FAM227B: variants seen among roughly 807,000 people sequenced by gnomAD.
FAM227B encodes family with sequence similarity 227 member B, also known as protein FAM227B.
In FAM227B, 88 loss-of-function variants were observed where a neutral mutation model predicts 73.8. The observed-to-expected ratio is 1.19, with a 90% CI of 1.00 to 1.42. The LOEUF is 1.42. Ranked by LOEUF, FAM227B falls within the 40% of genes most tolerant of loss-of-function variation. The pLI is 0.00. For missense variants in FAM227B, 632 were observed against 590.9 expected (o/e 1.07, Z -0.72); for synonymous variants, 210 against 190.5 (o/e 1.10, Z -0.84).
At chr15:49,358,284 A>G (rs988072118) in intron 13 of FAM227B, among the ~76,000 whole-genome samples, 1 of 136,408 alleles carries the variant, frequency 7.3e-6, no homozygotes, top group African/African-American at 2.8e-5. Context: ...TTAGGAAAAG[A>G]GGAAGTCAAA....
chr15:49,505,467 T>C (rs959357426), intron 11 of FAM227B, among the ~76,000 whole-genome samples: 1 of 152,066 alleles, frequency 6.6e-6, no homozygotes, highest in Non-Finnish European at 1.5e-5. Context: ...CACTATATAA[T>C]GTGAGGCTAT....
At chr15:49,547,823 A>C (rs1727636713) in intron 9 of FAM227B, among the ~76,000 whole-genome samples, 1 of 152,238 alleles carries the variant, frequency 6.6e-6, no homozygotes, top group South Asian at 2.1e-4. Flanking sequence ...AGATTTGTAA[A>C]ACAATTATTA....
intron 11 of FAM227B, among the ~76,000 whole-genome samples, chr15:49,478,736 T>C (rs576764825): frequency 1.5e-3 from 221 of 152,216 alleles, no homozygotes; most frequent in African/African-American, 5.2e-3. Flanking sequence ...CTTCAAAACT[T>C]TAAATATAAA....
At chr15:49,549,643 G>A (rs2072509525) in intron 9 of FAM227B, among the ~76,000 whole-genome samples, 1 of 151,616 alleles carries the variant, frequency 6.6e-6, no homozygotes, top group African/African-American at 2.4e-5. Flanking sequence ...CACAGGGTTG[G>A]GGGTAAGGTC....
chr15:49,459,650 A>G (rs544219323), intron 11 of FAM227B, among the ~76,000 whole-genome samples: 57 of 152,228 alleles, frequency 3.7e-4, no homozygotes, highest in African/African-American at 1.3e-3. Context: ...TAAAACTAGT[A>G]TTTCTATAGT....
rs2039547708 is a variant in FAM227B, at chr15:49,335,486, G to C, written c.1282C>G (p.Pro428Ala). The C allele has an allele frequency of 1.2e-6, 2 of 1,613,078 alleles. No homozygotes were observed. The highest frequency in any genetic ancestry group is 1.7e-6 in the Non-Finnish European group (2 of 1,179,156). Residue 428 changes from proline to alanine, a missense_variant, in exon 14 of 16, where the codon CCA (proline) becomes GCA (alanine). Pro to Ala is a conservative substitution (Grantham distance 27). Coordinates refer to ENST00000299338, the MANE Select transcript of FAM227B (RefSeq NM_152647.3). ...TKIFQEPLPA[P>A]TYRDVIKEAK... The stretch of plus-strand genomic sequence containing the variant: ...TCCTTTATAACATCACGGTATGTTG[G>C]AGCAGGTAGTGTGCTAGGCTTATTA...
At chr15:49,438,525 T>C (rs1567275334) in intron 11 of FAM227B, among the ~76,000 whole-genome samples, 1 of 151,694 alleles carries the variant, frequency 6.6e-6, no homozygotes, top group Non-Finnish European at 1.5e-5. Flanking sequence ...TCTTAGCTTA[T>C]CACACCAATA....
chr15:49,380,531 G>T (rs1293056575), intron 11 of FAM227B, among the ~76,000 whole-genome samples: 1 of 151,864 alleles, frequency 6.6e-6, no homozygotes, highest in East Asian at 1.9e-4. Context: ...ATAAAAGAAG[G>T]TTATGTCTCT....
At chr15:49,485,377 A>G (rs926181021) in intron 11 of FAM227B, 5 of 152,420 alleles carry the variant, frequency 3.3e-5, no homozygotes, top group African/African-American at 9.7e-5. Context: ...TTCTTCCCAC[A>G]AATAATCATG....
At chr15:49,483,725 G>T (rs1339411212) in intron 11 of FAM227B, among the ~76,000 whole-genome samples, 2 of 151,984 alleles carry the variant, frequency 1.3e-5, no homozygotes, top group Non-Finnish European at 2.9e-5. Flanking sequence ...TCACTACAAT[G>T]CAAAATATGT....
intron 10 of FAM227B, among the ~76,000 whole-genome samples, chr15:49,525,706 A>ATATATT: frequency 7.7e-6 from 1 of 130,392 alleles, no homozygotes; most frequent in South Asian, 2.7e-4. Context: ...ATATATATAT[A>ATATATT]TATATATATA....
At chr15:49,386,754 G>GCC (rs2046909841) in intron 11 of FAM227B, among the ~76,000 whole-genome samples, 1 of 151,662 alleles carries the variant, frequency 6.6e-6, no homozygotes, top group Admixed American at 6.6e-5. Flanking sequence ...TAGACCATTA[G>GCC]CTAGATTAAC....
At chr15:49,484,880 TATA>T (rs940115977) in intron 11 of FAM227B, 7 of 156,794 alleles carry the variant, frequency 4.5e-5, no homozygotes, top group Admixed American at 2.6e-4. Flanking sequence ...AAATGGCTGC[TATA>T]ATAATAATAA....
intron 4 of FAM227B, among the ~76,000 whole-genome samples, chr15:49,589,485 G>A (rs749947810): frequency 6.9e-6 from 1 of 145,552 alleles, no homozygotes; most frequent in Admixed American, 6.9e-5. Flanking sequence ...AAATGAAGAG[G>A]TTTTAAAATA....
chr15:49,542,010 T>C (rs2071143174), intron 9 of FAM227B, among the ~76,000 whole-genome samples: 1 of 152,140 alleles, frequency 6.6e-6, no homozygotes, highest in Admixed American at 6.6e-5. Context: ...CTGGAATATG[T>C]TTCAGTAAGG....
chr15:49,550,042 G>T (rs1407238562), intron 9 of FAM227B, among the ~76,000 whole-genome samples: 1 of 139,436 alleles, frequency 7.2e-6, no homozygotes, highest in Admixed American at 7.0e-5. Flanking sequence ...CGGACGGGGC[G>T]GCTGGCCGGG....
At chr15:49,437,844 T>C (rs1247334759) in intron 11 of FAM227B, among the ~76,000 whole-genome samples, 4 of 151,624 alleles carry the variant, frequency 2.6e-5, no homozygotes, top group Admixed American at 1.3e-4. Flanking sequence ...TAGTAAGTAC[T>C]GTGAAAAAGG....
intron 3 of FAM227B, among the ~76,000 whole-genome samples, chr15:49,599,934 A>C (rs1309135962): frequency 1.3e-5 from 2 of 152,150 alleles, no homozygotes; most frequent in African/African-American, 2.4e-5. Flanking sequence ...TTTTGTCTAG[A>C]GAGTTGTTCA....
Position 49,558,091 on chromosome 15 carries a change from G to A in FAM227B, c.747+10154C>T, listed in dbSNP as rs570802613. On this transcript the variant is annotated intron_variant, in intron 9 of 15. Transcript: ENST00000299338. Reference sequence around the variant, plus strand: ...TCCTATCCCCACTGCTCCTCATCCGGCAGGGCTTGCTGACTTGGGCTCCTA... The same window carrying A: ...TCCTATCCCCACTGCTCCTCATCCGACAGGGCTTGCTGACTTGGGCTCCTA... Among the ~76,000 whole-genome samples the A allele has an allele frequency of 3.3e-5, 5 of 151,106 alleles. No individual in the cohort carries two copies. In the South Asian group the frequency reaches 1.0e-3, roughly 32 times the overall value.
Sources: allele counts gnomAD v4.1 joint callset (sites outside exome capture counted in the v4.1 genomes callset), GRCh38; gene constraint gnomAD v4.1.1; transcripts MANE v1.5; gene names NCBI Gene and HGNC (gene_info 2026-07-23, HGNC 2026-07-21).